UBXN8: variants seen among roughly 807,000 people sequenced by gnomAD.
UBXN8 encodes UBX domain protein 8.
Under a neutral mutation model 32.1 loss-of-function variants are expected in UBXN8, and 27 were observed. The ratio of observed to expected loss-of-function variants is 0.84; its 90% CI spans 0.62 to 1.16. The LOEUF (loss-of-function observed/expected upper bound fraction) is 1.16, where lower values mean the gene tolerates loss of function less well. UBXN8 is among the 50% of genes most tolerant of loss of function. UBXN8 has a pLI of 0.00. For synonymous variants in UBXN8, 109 were observed against 111.8 expected (o/e 0.98, Z 0.16); for missense variants, 306 against 311.4 (o/e 0.98, Z 0.13).
chr8:30,738,924 C>A lies in UBXN8; in HGVS notation c.622+5616C>A, dbSNP rs540704500. On this transcript the variant is annotated intron_variant, in intron 1 of 1. Coordinates refer to the UBXN8 transcript ENST00000522968. ...TGAGCTGAGATTGTGCTATTGCACT[C>A]CAGCGTGGGCAACAAGAGTGAAACT... is the stretch of plus-strand genomic sequence containing the variant. Among the ~76,000 whole-genome samples, 4 of 150,802 alleles carry A rather than the reference C, an allele frequency of 2.7e-5. No homozygotes were observed. The South Asian group carries it at 8.8e-4, about 33-fold the overall frequency.
At chr8:30,743,114 G>A (rs1238137392), upstream of UBXN8, among the ~76,000 whole-genome samples, 6 of 151,884 alleles carry the variant, frequency 4.0e-5, no homozygotes, top group African/African-American at 1.2e-4. Context: ...GGGATTACAG[G>A]CGTGAGCCAC....
chr8:30,761,133 C>G (rs528604496), intron 6 of UBXN8, among the ~76,000 whole-genome samples: 2 of 152,120 alleles, frequency 1.3e-5, no homozygotes, highest in South Asian at 4.2e-4. Context: ...CTCCTGGGCT[C>G]AAGTGATCCA....
At chr8:30,741,474 T>G (rs1349243639), upstream of UBXN8, among the ~76,000 whole-genome samples, 1 of 132,996 alleles carries the variant, frequency 7.5e-6, no homozygotes. Flanking sequence ...TTTTTTTTTT[T>G]GAAACTGAGT....
intron 1 of UBXN8, among the ~76,000 whole-genome samples, chr8:30,749,041 T>C (rs920723625): frequency 7.2e-5 from 11 of 152,194 alleles, no homozygotes; most frequent in African/African-American, 2.7e-4. Context: ...CAAATTGTAT[T>C]ATGCAAAGTA....
Position 30,763,347 on chromosome 8 carries a change from G to C in UBXN8, c.645G>C (p.Gln215His). The C allele has an allele frequency of 6.2e-7, 1 of 1,613,476 alleles. No individual in the cohort carries two copies. ...RRRFLKSYSSQVLFDWMTRIG... is the reference protein window; with the variant it reads ...RRRFLKSYSSHVLFDWMTRIG... The stretch of plus-strand genomic sequence containing the variant: ...GGTTTTTGAAGTCCTACAGCTCACA[G>C]GTAAGTGAAGGAATTCACATTTTGA... Residue 215 changes from glutamine to histidine, a missense_variant and splice_region_variant, in exon 7 of 8, where the codon CAG (glutamine) becomes CAC (histidine). By Grantham distance (24) the Gln-to-His change is conservative. Coordinates refer to ENST00000265616, the MANE Select transcript of UBXN8 (RefSeq NM_005671.4).
chr8:30,750,865 T>C (rs1805503597), intron 1 of UBXN8, among the ~76,000 whole-genome samples: 1 of 152,108 alleles, frequency 6.6e-6, no homozygotes, highest in African/African-American at 2.4e-5. Flanking sequence ...AAATGGATGT[T>C]TGTCTGTCTG....
Position 30,749,400 on chromosome 8 carries a change from A to AT in UBXN8, c.89-1996_89-1995insT, listed in dbSNP as rs1554577891. ...AGACTGAGGCTCCGTCTCAAAAAAA[A>AT]AAAATAAAATAAATAAATAAATAAA... On this transcript the variant is annotated intron_variant, in intron 1 of 7. Coordinates refer to ENST00000265616, the MANE Select transcript of UBXN8 (RefSeq NM_005671.4). Among the ~76,000 whole-genome samples the AT allele has an allele frequency of 8.7e-5, 12 of 137,392 alleles. 1 individual carries two copies. The highest frequency in any genetic ancestry group is 1.8e-4 in the African/African-American group (6 of 33,974). 90.1% of individuals were successfully genotyped at this position (137,392 alleles called of 152,430 possible).
chr8:30,744,853 G>T (rs949692667), intron 1 of UBXN8, among the ~76,000 whole-genome samples: 1 of 152,202 alleles, frequency 6.6e-6, no homozygotes, highest in African/African-American at 2.4e-5. Flanking sequence ...AAAGGTGAAG[G>T]CCATTGTGGC....
chr8:30,761,451 G>T (rs766784144), intron 6 of UBXN8, among the ~76,000 whole-genome samples: 9 of 151,930 alleles, frequency 5.9e-5, no homozygotes, highest in Non-Finnish European at 1.3e-4. Context: ...TACCATGTTG[G>T]CCAGGCTGGC....
chr8:30,749,933 A>T (rs866124469), intron 1 of UBXN8, among the ~76,000 whole-genome samples: 16 of 151,978 alleles, frequency 1.1e-4, no homozygotes, highest in African/African-American at 3.9e-4. Flanking sequence ...TTTTATTTCT[A>T]GTTATGTAAT....
intron 1 of UBXN8, among the ~76,000 whole-genome samples, chr8:30,737,912 A>C (rs1206973730): frequency 6.6e-6 from 1 of 152,192 alleles, no homozygotes; most frequent in Admixed American, 6.5e-5. Flanking sequence ...GAGACTACTA[A>C]AAGAGCAATT....
chr8:30,766,524 T>TC lies in UBXN8; in HGVS notation c.*132dup. ...TGGCAGTAAACTTTGAACATTGATA[T>TC]CCATGGGAATAGGATTAGAAAAGGA... On this transcript the variant is annotated 3_prime_UTR_variant, in exon 8 of 8. Transcript: ENST00000265616. The TC allele has an allele frequency of 3.3e-6, 3 of 917,270 alleles. No individual in the cohort carries two copies. The highest frequency in any genetic ancestry group is 4.6e-6 in the Non-Finnish European group (3 of 649,658). The allele number at this position is 917,270 out of a possible 1,614,324, so 56.8% of individuals were successfully genotyped here.
chr8:30,733,554 C>T lies in UBXN8; in HGVS notation c.622+246C>T, dbSNP rs547300886. Among the ~76,000 whole-genome samples the T allele has an allele frequency of 6.6e-5, 10 of 152,292 alleles. 1 individual carries two copies. The South Asian group carries it at 1.0e-3, about 16-fold the overall frequency. On this transcript the variant is annotated intron_variant, in intron 1 of 1. Transcript: ENST00000522968. ...GAATTCCCACGCTGACTTAGAGGCTCGAAAAGCAGCATCTGCCCCCTTCCG... is the reference window on the plus strand; with the variant it reads ...GAATTCCCACGCTGACTTAGAGGCTTGAAAAGCAGCATCTGCCCCCTTCCG...
At chr8:30,733,944 G>A (rs770004917) in intron 1 of UBXN8, 3 of 152,224 alleles carry the variant, frequency 2.0e-5, no homozygotes, top group Non-Finnish European at 2.9e-5. Context: ...GATAGAGATG[G>A]AGACACAAAA....
chr8:30,755,201 C>T (rs186384255), intron 4 of UBXN8, among the ~76,000 whole-genome samples: 4 of 152,102 alleles, frequency 2.6e-5, no homozygotes, highest in African/African-American at 7.2e-5. Context: ...ATGATCCGCC[C>T]GCCTCACCCT....
intron 5 of UBXN8, 127 bp from the exon 6 acceptor site, chr8:30,760,761 A>T: frequency 1.6e-6 from 1 of 631,358 alleles, no homozygotes; most frequent in East Asian, 3.2e-5. Flanking sequence ...CTCTTTATAG[A>T]TGTATGAAGA....
chr8:30,764,469 C>T (rs1381011191), intron 7 of UBXN8, among the ~76,000 whole-genome samples: 1 of 152,058 alleles, frequency 6.6e-6, no homozygotes, highest in East Asian at 1.9e-4. Context: ...CACGACCAGC[C>T]CATTTTACTA....
chr8:30,744,102 G>GC (rs991340758), upstream of UBXN8: 49 of 1,291,890 alleles, frequency 3.8e-5, no homozygotes, highest in Non-Finnish European at 4.9e-5. Context: ...CTCCCAGCCG[G>GC]CCCGCGGCAA....
chr8:30,756,727 A>G, intron 4 of UBXN8, 38 bp from the exon 5 acceptor site: 1 of 1,611,654 alleles, frequency 6.2e-7, no homozygotes, highest in Non-Finnish European at 8.5e-7. Context: ...AGTTGATAGA[A>G]AACATCTCTT....
Sources: allele counts gnomAD v4.1 joint callset (sites outside exome capture counted in the v4.1 genomes callset), GRCh38; gene constraint gnomAD v4.1.1; transcripts MANE v1.5; gene names NCBI Gene and HGNC (gene_info 2026-07-23, HGNC 2026-07-21).